Variants in NBEA observed in about 807,000 individuals in gnomAD.
NBEA encodes neurobeachin, also known as lysosomal-trafficking regulator 2.
In NBEA, 44 loss-of-function variants were observed where a neutral mutation model predicts 343.4. The ratio of observed to expected loss-of-function variants is 0.13; its 90% CI spans 0.10 to 0.16. The LOEUF (loss-of-function observed/expected upper bound fraction) is 0.16, where lower values mean the gene tolerates loss of function less well. NBEA is among the 10% of genes least tolerant of loss of function. NBEA has a pLI of 1.00. For missense variants in NBEA, 2,555 were observed against 3,631.3 expected, an observed-to-expected ratio of 0.70 and a Z score of 7.62; for synonymous variants, 1,175 against 1,238.7, an observed-to-expected ratio of 0.95 and a Z score of 1.08.
At chr13:35,588,464 T>A (rs1436178157) in intron 46 of NBEA, among the ~76,000 whole-genome samples, 2 of 152,170 alleles carry the variant, frequency 1.3e-5, no homozygotes, top group Admixed American at 1.3e-4. Context: ...TTAGACCTAG[T>A]CATTAAACTT....
At chr13:35,077,522 A>G (rs192107228) in intron 10 of NBEA, among the ~76,000 whole-genome samples, 5 of 152,244 alleles carry the variant, frequency 3.3e-5, no homozygotes, top group Admixed American at 2.6e-4. Flanking sequence ...CATACAATCT[A>G]TCATGATAAA....
intron 1 of NBEA, among the ~76,000 whole-genome samples, chr13:35,006,378 A>G (rs944677162): frequency 6.6e-6 from 1 of 152,098 alleles, no homozygotes; most frequent in African/African-American, 2.4e-5. Flanking sequence ...TTTCTGGACA[A>G]TTCATGGATC....
Position 35,342,303 on chromosome 13 carries a change from C to A in NBEA, c.5904-6805C>A, listed in dbSNP as rs531442795. Among the ~76,000 whole-genome samples the A allele has an allele frequency of 2.1e-3, 315 of 152,122 alleles. 2 individuals are homozygous for A. The highest frequency in any genetic ancestry group is 7.4e-3 in the African/African-American group (307 of 41,536). ...GTGGTTCCACAAGATAGTGAGTATA[C>A]TAAAAACCACTACAGTGTACATTTT... On this transcript the variant is annotated intron_variant, in intron 36 of 58. Coordinates refer to ENST00000379939, the MANE Select transcript of NBEA (RefSeq NM_001385012.1).
intron 36 of NBEA, among the ~76,000 whole-genome samples, chr13:35,313,515 G>C (rs1432914555): frequency 6.6e-6 from 1 of 152,164 alleles, no homozygotes; most frequent in African/African-American, 2.4e-5. Context: ...TGGTCAAAAA[G>C]AGGATTTTTA....
At chr13:34,967,727 A>G (rs2059869006) in intron 1 of NBEA, among the ~76,000 whole-genome samples, 1 of 152,020 alleles carries the variant, frequency 6.6e-6, no homozygotes. Context: ...TATTACAACT[A>G]CTCACCCTGC....
chr13:35,243,874 T>C (rs1276432608), intron 34 of NBEA, among the ~76,000 whole-genome samples: 1 of 151,904 alleles, frequency 6.6e-6, no homozygotes, highest in Non-Finnish European at 1.5e-5. Context: ...AATGGATGAC[T>C]TGAACAACAC....
At chr13:35,589,122 GAGAAATACTTAACCA>G (rs1211654577) in intron 46 of NBEA, among the ~76,000 whole-genome samples, 4 of 152,122 alleles carry the variant, frequency 2.6e-5, no homozygotes, top group Admixed American at 6.6e-5. Flanking sequence ...AGAGGAAGAT[GAGAAATACTTAACCA>G]AGAGCCTAGT....
intron 1 of NBEA, among the ~76,000 whole-genome samples, chr13:35,036,936 T>C (rs2062463226): frequency 6.6e-6 from 1 of 152,184 alleles, no homozygotes; most frequent in South Asian, 2.1e-4. Flanking sequence ...GGATGTTTTC[T>C]CTAGGTTTGG....
intron 40 of NBEA, among the ~76,000 whole-genome samples, chr13:35,459,016 CCCACA>C (rs1342078866): frequency 4.2e-4 from 48 of 114,424 alleles, no homozygotes; most frequent in African/African-American, 1.8e-3. Flanking sequence ...CCCCCCCCCC[CCCACA>C]CACACACACA....
intron 43 of NBEA, 74 bp downstream of exon 43, chr13:35,551,106 G>A (rs2079301774): frequency 2.5e-5 from 22 of 878,904 alleles, no homozygotes; most frequent in Non-Finnish European, 3.5e-5. Flanking sequence ...CAATGTAAAT[G>A]TGGTTATAAC....
At chr13:35,165,220 T>G (rs1172865168) in intron 24 of NBEA, 3 of 464,700 alleles carry the variant, frequency 6.5e-6, no homozygotes, top group African/African-American at 2.0e-5. Flanking sequence ...GATCTCTAAG[T>G]GTATTTCATC....
intron 10 of NBEA, among the ~76,000 whole-genome samples, chr13:35,076,532 C>T (rs2064125944): frequency 6.6e-6 from 1 of 151,950 alleles, no homozygotes; most frequent in South Asian, 2.1e-4. Flanking sequence ...CAATGCTATA[C>T]TACTTTGTGT....
At chr13:34,944,843 C>T (rs1444396451) in intron 1 of NBEA, among the ~76,000 whole-genome samples, 1 of 152,002 alleles carries the variant, frequency 6.6e-6, no homozygotes. Context: ...ACATTTTAAC[C>T]TGGTAAGAGG....
intron 8 of NBEA, among the ~76,000 whole-genome samples, chr13:35,068,501 A>G (rs2063739296): frequency 6.6e-6 from 1 of 152,152 alleles, no homozygotes; most frequent in South Asian, 2.1e-4. Flanking sequence ...TAATTCAGTC[A>G]CTGTTTTTTT....
At chr13:35,148,699 T>C (rs969755693) in intron 18 of NBEA, among the ~76,000 whole-genome samples, 4 of 152,226 alleles carry the variant, frequency 2.6e-5, no homozygotes, top group African/African-American at 9.6e-5. Flanking sequence ...TTTGCACTTA[T>C]AATTACAAAT....
intron 1 of NBEA, among the ~76,000 whole-genome samples, chr13:35,018,538 A>G (rs2061730498): frequency 6.6e-6 from 1 of 151,948 alleles, no homozygotes; most frequent in African/African-American, 2.4e-5. Flanking sequence ...TATTGTTTCA[A>G]TTGTTCTTTG....
intron 38 of NBEA, among the ~76,000 whole-genome samples, chr13:35,427,421 A>G (rs965166082): frequency 1.3e-5 from 2 of 152,150 alleles, no homozygotes; most frequent in African/African-American, 4.8e-5. Context: ...TTGCCTGGGT[A>G]TCAGCAGCGG....
Position 34,946,346 on chromosome 13 carries a change from G to A in NBEA, c.294+3232G>A, listed in dbSNP as rs2059183222. 2.0e-5 allele frequency among the ~76,000 whole-genome samples: 3 copies of A among 152,052 alleles called. No individual in the cohort carries two copies. In the South Asian group the frequency reaches 6.2e-4, roughly 31 times the overall value. ...TCTTTTGTAAACACACTTAACATAT[G>A]TTTATATAAGCTTTATCCATATTTG... is the stretch of plus-strand genomic sequence containing the variant. On this transcript the variant is annotated intron_variant, in intron 1 of 58. Transcript: ENST00000379939.
chr13:35,287,605 A>G (rs1003020551), intron 34 of NBEA, among the ~76,000 whole-genome samples: 1 of 151,878 alleles, frequency 6.6e-6, no homozygotes, highest in Non-Finnish European at 1.5e-5. Flanking sequence ...TGCTTAAGCT[A>G]TTGCTTTTTG....
Sources: gnomAD v4.1 joint callset for allele counts (sites outside exome capture counted in the v4.1 genomes callset) on GRCh38, gnomAD v4.1.1 for gene constraint, MANE v1.5 for transcripts, NCBI Gene and HGNC (gene_info 2026-07-23, HGNC 2026-07-21) for gene names.